Variants in PSMD14 observed in about 807,000 individuals in gnomAD.
PSMD14 encodes proteasome 26S subunit, non-ATPase 14, also known as ubiquitin C-terminal hydrolase PSMD14.
In PSMD14, 7 loss-of-function variants were observed where a neutral mutation model predicts 41.2. The observed-to-expected ratio is 0.17, with a 90% CI of 0.10 to 0.32. PSMD14 has a LOEUF of 0.32. PSMD14 is among the 10% of genes least tolerant of loss of function. The pLI, the probability that PSMD14 is intolerant of heterozygous loss-of-function variation, is 1.00. For synonymous variants in PSMD14, 114 were observed against 122.3 expected, an observed-to-expected ratio of 0.93 and a Z score of 0.45; for missense variants, 139 against 375.6, an observed-to-expected ratio of 0.37 and a Z score of 5.21.
intron 7 of PSMD14, among the ~76,000 whole-genome samples, chr2:161,374,285 TCTG>T (rs1683476184): frequency 6.6e-6 from 1 of 152,006 alleles, no homozygotes; most frequent in Non-Finnish European, 1.5e-5. Flanking sequence ...TCCATAGTTT[TCTG>T]TAGGTATTAT....
chr2:161,318,891 T>C lies in PSMD14; in HGVS notation c.48+18T>C, dbSNP rs1339841528. The C allele has an allele frequency of 2.5e-6, 4 of 1,603,392 alleles. No individual in the cohort carries two copies. Among genetic ancestry groups the C allele is most frequent in the African/African-American group, 2.7e-5 (2 of 74,544 alleles). ...TGGGCCAGGTTAGTATATAGTCTCT[T>C]GAGCATTTCCTTGTGTGTAAACTAC... On this transcript the variant is annotated intron_variant, in intron 3 of 11. Transcript: ENST00000409682.
chr2:161,337,023 T>TA (rs1209104768), intron 3 of PSMD14, among the ~76,000 whole-genome samples: 1 of 152,242 alleles, frequency 6.6e-6, no homozygotes, highest in Non-Finnish European at 1.5e-5. Context: ...GGAAGTAACT[T>TA]ATTCAAAGTC....
At chr2:161,402,454 CAT>C (rs1024496581) in intron 10 of PSMD14, among the ~76,000 whole-genome samples, 4 of 151,946 alleles carry the variant, frequency 2.6e-5, no homozygotes, top group African/African-American at 9.7e-5. Context: ...GCCTGGGCAA[CAT>C]AGAGAGACCC....
At position 161,395,286 on chromosome 2, in the gene PSMD14, A is replaced by T; in HGVS notation, c.771+83A>T. On this transcript the variant is annotated intron_variant, in intron 10 of 11. Transcript: ENST00000409682. ...GCCAAGCATTGTGTAAGTAATTAAA[A>T]ATAGAGAATCCTGTTTTGTAAATAA... 2.5e-6 allele frequency: 3 copies of T among 1,223,560 alleles called. No individual in the cohort carries two copies. The South Asian group carries it at 4.4e-5, about 18-fold the overall frequency. The allele number at this position is 1,223,560 out of a possible 1,614,324, so 75.8% of individuals were successfully genotyped here.
intron 10 of PSMD14, among the ~76,000 whole-genome samples, chr2:161,395,671 A>T (rs1215634532): frequency 2.0e-5 from 3 of 152,242 alleles, no homozygotes; most frequent in Non-Finnish European, 4.4e-5. Context: ...CAGGCATATC[A>T]TACATGTATA....
intron 2 of PSMD14, among the ~76,000 whole-genome samples, chr2:161,317,031 T>C (rs1689155287): frequency 6.6e-6 from 1 of 152,184 alleles, no homozygotes; most frequent in South Asian, 2.1e-4. Flanking sequence ...TTCTGTTGGT[T>C]CTTTAAGTTT....
chr2:161,312,342 C>T (rs1308246029), intron 1 of PSMD14, among the ~76,000 whole-genome samples: 1 of 152,066 alleles, frequency 6.6e-6, no homozygotes, highest in Non-Finnish European at 1.5e-5. Flanking sequence ...CGGGGTTTTG[C>T]CATGTTGGCC....
intron 3 of PSMD14, among the ~76,000 whole-genome samples, chr2:161,345,888 C>G (rs1032133569): frequency 6.6e-6 from 1 of 151,808 alleles, no homozygotes; most frequent in Admixed American, 6.6e-5. Context: ...CAAGTTCATT[C>G]TTTTTATTTT....
chr2:161,315,424 C>T (rs1202094803), intron 1 of PSMD14, among the ~76,000 whole-genome samples: 1 of 151,550 alleles, frequency 6.6e-6, no homozygotes, highest in Non-Finnish European at 1.5e-5. Flanking sequence ...GCTTTTTTTC[C>T]TTTTGCCATT....
intron 3 of PSMD14, among the ~76,000 whole-genome samples, chr2:161,349,133 G>C (rs1683084081): frequency 6.6e-6 from 1 of 152,268 alleles, no homozygotes; most frequent in Non-Finnish European, 1.5e-5. Flanking sequence ...TGCAAATTTT[G>C]CTATTGAAAG....
intron 7 of PSMD14, among the ~76,000 whole-genome samples, chr2:161,374,424 AATGAAATACACTAT>A (rs1683478046): frequency 6.6e-6 from 1 of 152,036 alleles, no homozygotes; most frequent in Non-Finnish European, 1.5e-5. Flanking sequence ...CAACATAAAT[AATGAAATACACTAT>A]ATGATAAAGA....
At chr2:161,406,007 AAC>A (rs1488938867) in intron 10 of PSMD14, among the ~76,000 whole-genome samples, 1 of 152,138 alleles carries the variant, frequency 6.6e-6, no homozygotes, top group Non-Finnish European at 1.5e-5. Flanking sequence ...CAACAACAAA[AAC>A]AACAAAAAAT....
intron 7 of PSMD14, among the ~76,000 whole-genome samples, chr2:161,380,132 G>A (rs996390536): frequency 5.3e-5 from 8 of 151,934 alleles, no homozygotes; most frequent in Non-Finnish European, 1.2e-4. Context: ...AGTCTATGAG[G>A]CATCGTCATT....
chr2:161,364,562 G>C (rs1683334065), intron 3 of PSMD14, among the ~76,000 whole-genome samples: 2 of 151,646 alleles, frequency 1.3e-5, no homozygotes, highest in East Asian at 3.9e-4. Context: ...ATACCTCTCT[G>C]AGCTCAGTTT....
In PSMD14 at chr2:161,356,046, A is replaced by ATGT. The variant is rs201840445; in HGVS notation, c.49-11431_49-11430insGTT. ...AGTCATTGAAACTGTCAGCCAAAGG[A>ATGT]TTTTTTTTTGGAACATTTTTTTTTA... On this transcript the variant is annotated intron_variant, in intron 3 of 11. Transcript: ENST00000409682. Among the ~76,000 whole-genome samples the ATGT allele has an allele frequency of 3.0e-4, 20 of 66,870 alleles. No homozygotes were observed. The East Asian group carries it at 4.6e-3, about 15-fold the overall frequency. The allele number at this position is 66,870 out of a possible 152,430, so 43.9% of individuals were successfully genotyped here.
At chr2:161,321,269 A>T (rs1682583002) in intron 3 of PSMD14, among the ~76,000 whole-genome samples, 1 of 152,180 alleles carries the variant, frequency 6.6e-6, no homozygotes, top group Admixed American at 6.5e-5. Flanking sequence ...AGTAGACAGG[A>T]GCAGAACAGG....
intron 1 of PSMD14, among the ~76,000 whole-genome samples, chr2:161,308,979 C>T (rs1689057373): frequency 6.6e-6 from 1 of 152,204 alleles, no homozygotes; most frequent in African/African-American, 2.4e-5. Flanking sequence ...GTAGAATTAA[C>T]TTTCCCATTG....
chr2:161,392,266 C>G (rs569435560), intron 9 of PSMD14, among the ~76,000 whole-genome samples: 4 of 152,252 alleles, frequency 2.6e-5, no homozygotes, highest in South Asian at 2.1e-4. Context: ...TAAAAGAACA[C>G]TGAGTTTACT....
At chr2:161,327,946 C>G (rs1485856845) in intron 3 of PSMD14, among the ~76,000 whole-genome samples, 3 of 117,116 alleles carry the variant, frequency 2.6e-5, no homozygotes, top group Admixed American at 8.7e-5. Flanking sequence ...CTCATGTAAG[C>G]TGTGTGTGTG....
Sources: allele counts gnomAD v4.1 joint callset (sites outside exome capture counted in the v4.1 genomes callset), GRCh38; gene constraint gnomAD v4.1.1; transcripts MANE v1.5; gene names NCBI Gene and HGNC (gene_info 2026-07-23, HGNC 2026-07-21).